Variants in ANO4 observed in about 807,000 individuals in gnomAD.
ANO4 encodes the protein anoctamin-4.
Under a neutral mutation model 141.9 loss-of-function variants are expected in ANO4, and 69 were observed. The observed-to-expected ratio is 0.49, with a 90% CI of 0.40 to 0.59. The LOEUF (loss-of-function observed/expected upper bound fraction) is 0.59. ANO4 is among the 20% of genes least tolerant of loss of function. ANO4 has a pLI of 0.00. For synonymous variants in ANO4, 350 were observed against 394.3 expected, an observed-to-expected ratio of 0.89 and a Z score of 1.33; for missense variants, 894 against 1,162.2, an observed-to-expected ratio of 0.77 and a Z score of 3.36.
At chr12:100,843,423 A>G (rs903544031) in intron 1 of ANO4, among the ~76,000 whole-genome samples, 5 of 152,136 alleles carry the variant, frequency 3.3e-5, no homozygotes, top group Admixed American at 6.5e-5. Flanking sequence ...AATATCCTTC[A>G]CACCTTCTGT....
chr12:100,815,490 A>G (rs1017406850), intron 1 of ANO4, among the ~76,000 whole-genome samples: 1 of 152,186 alleles, frequency 6.6e-6, no homozygotes, highest in African/African-American at 2.4e-5. Context: ...AGCGTGTAAC[A>G]TATAACATTC....
At chr12:101,106,949 T>C (rs1453122577) in intron 22 of ANO4, among the ~76,000 whole-genome samples, 1 of 151,378 alleles carries the variant, frequency 6.6e-6, no homozygotes, top group East Asian at 1.9e-4. Context: ...ATCATGTGGG[T>C]CACCTTTGTG....
At chr12:100,739,194 A>T (rs1234580389) in intron 2 of ANO4, among the ~76,000 whole-genome samples, 1 of 150,908 alleles carries the variant, frequency 6.6e-6, no homozygotes, top group Admixed American at 6.6e-5. Flanking sequence ...TGTATAAGTG[A>T]GATCATAAAC....
chr12:100,888,438 T>C (rs184024406), intron 1 of ANO4, among the ~76,000 whole-genome samples: 1 of 152,308 alleles, frequency 6.6e-6, no homozygotes, highest in Admixed American at 6.5e-5. Context: ...GCAAGGGCAA[T>C]ATTGGAGCCG....
At chr12:100,817,327 GAC>G (rs929313187) in intron 1 of ANO4, among the ~76,000 whole-genome samples, 6 of 151,828 alleles carry the variant, frequency 4.0e-5, no homozygotes, top group Admixed American at 3.3e-4. Context: ...GTTTCCAGCA[GAC>G]ACAACCTAGA....
chr12:100,947,116 T>C (rs2042758196), intron 5 of ANO4, among the ~76,000 whole-genome samples: 1 of 152,194 alleles, frequency 6.6e-6, no homozygotes, highest in Admixed American at 6.5e-5. Flanking sequence ...TATGTTTCAC[T>C]GTAAAGGAAT....
chr12:100,934,585 G>C (rs1021379651), intron 3 of ANO4, among the ~76,000 whole-genome samples: 1 of 151,898 alleles, frequency 6.6e-6, no homozygotes, highest in Non-Finnish European at 1.5e-5. Flanking sequence ...CTCTTTTTTG[G>C]TTCCATATGA....
At chr12:100,954,675 G>A (rs1052925995) in intron 5 of ANO4, among the ~76,000 whole-genome samples, 3 of 152,132 alleles carry the variant, frequency 2.0e-5, no homozygotes, top group Non-Finnish European at 4.4e-5. Flanking sequence ...CCCCATCTCT[G>A]TAATACCCAG....
At chr12:100,899,444 G>A (rs1315704042) in intron 1 of ANO4, among the ~76,000 whole-genome samples, 2 of 152,212 alleles carry the variant, frequency 1.3e-5, no homozygotes, top group Non-Finnish European at 2.9e-5. Context: ...AATGAGGGCA[G>A]TTAAATGGAT....
chr12:100,782,249 T>A (rs1377219278), intron 3 of ANO4, among the ~76,000 whole-genome samples: 1 of 152,204 alleles, frequency 6.6e-6, no homozygotes, highest in Admixed American at 6.5e-5. Flanking sequence ...TGTTTCTCCC[T>A]CTTACAATCA....
rs2049249628 is a variant in ANO4, at chr12:101,080,969, G to A, written c.1395+1694G>A. Among the ~76,000 whole-genome samples, 3 of 141,582 alleles carry A rather than the reference G, an allele frequency of 2.1e-5. No individual in the cohort carries two copies. In the South Asian group the frequency reaches 6.7e-4, roughly 32 times the overall value. 92.9% of individuals were successfully genotyped at this position (141,582 alleles called of 152,430 possible). A position where few individuals can be genotyped will look rare whatever the true frequency, so the allele number is the denominator to read the frequency against. Reference sequence around the variant, plus strand: ...CCAATTTTCAAACATATATATATATGTGTATATATATCTAGAACCTAGAAA... The same window carrying A: ...CCAATTTTCAAACATATATATATATATGTATATATATCTAGAACCTAGAAA... On this transcript the variant is annotated intron_variant, in intron 15 of 27. Transcript: ENST00000392977.
At chr12:100,872,124 A>G (rs1038259844) in intron 1 of ANO4, among the ~76,000 whole-genome samples, 1 of 152,140 alleles carries the variant, frequency 6.6e-6, no homozygotes, top group Non-Finnish European at 1.5e-5. Context: ...AACTTTCTCA[A>G]TATTATTCAT....
Position 101,094,236 on chromosome 12 carries a change from G to T in ANO4, c.1702-20G>T, listed in dbSNP as rs199687645. ...AATACGTGCAGTTCATTTATTAAATGCATGAAATTTATTTTACAGCTCTAT... is the reference window on the plus strand; with the variant it reads ...AATACGTGCAGTTCATTTATTAAATTCATGAAATTTATTTTACAGCTCTAT... On this transcript the variant is annotated intron_variant, in intron 17 of 27. Coordinates refer to ENST00000392977, the MANE Select transcript of ANO4 (RefSeq NM_001286615.2). 5.3e-5 allele frequency: 84 copies of T among 1,599,374 alleles called. 1 individual carries two copies. The Admixed American group carries it at 1.4e-3, about 27-fold the overall frequency.
At chr12:100,774,371 C>T (rs1565867777) in intron 3 of ANO4, among the ~76,000 whole-genome samples, 1 of 152,202 alleles carries the variant, frequency 6.6e-6, no homozygotes, top group Non-Finnish European at 1.5e-5. Context: ...GCATCAACAA[C>T]ATTTTATAGC....
At chr12:100,986,041 G>A (rs1056333219) in intron 7 of ANO4, among the ~76,000 whole-genome samples, 1 of 152,120 alleles carries the variant, frequency 6.6e-6, no homozygotes, top group African/African-American at 2.4e-5. Context: ...CAGTGCAGGT[G>A]GGTGCCATCC....
At chr12:100,934,641 G>A (rs2042212957) in intron 3 of ANO4, among the ~76,000 whole-genome samples, 2 of 152,090 alleles carry the variant, frequency 1.3e-5, no homozygotes, top group South Asian at 4.1e-4. Context: ...GTCATTGGCA[G>A]CTTGATGGGG....
intron 8 of ANO4, among the ~76,000 whole-genome samples, chr12:101,003,333 A>G (rs923542648): frequency 1.3e-5 from 2 of 152,256 alleles, no homozygotes; most frequent in Admixed American, 1.3e-4. Flanking sequence ...AGAGGGAAAA[A>G]GTAATGGCAC....
chr12:100,822,150 G>A (rs770538440), intron 1 of ANO4, among the ~76,000 whole-genome samples: 1 of 151,972 alleles, frequency 6.6e-6, no homozygotes, highest in Non-Finnish European at 1.5e-5. Context: ...AAGAGATGTG[G>A]ATCTTTTGAG....
intron 26 of ANO4, among the ~76,000 whole-genome samples, chr12:101,126,487 C>G (rs983139774): frequency 3.3e-5 from 5 of 152,038 alleles, no homozygotes; most frequent in Non-Finnish European, 5.9e-5. Flanking sequence ...ATAATTCTCA[C>G]AATACTCACT....
Sources: allele counts gnomAD v4.1 joint callset (sites outside exome capture counted in the v4.1 genomes callset), GRCh38; gene constraint gnomAD v4.1.1; transcripts MANE v1.5; gene names NCBI Gene and HGNC (gene_info 2026-07-23, HGNC 2026-07-21).